Variants in GRIA4 observed in about 807,000 individuals in gnomAD.
The protein encoded by GRIA4 is glutamate receptor 4.
A neutral mutation model predicts 104.0 loss-of-function variants in GRIA4; 34 were observed. The ratio of observed to expected loss-of-function variants is 0.33; its 90% CI spans 0.25 to 0.44. GRIA4 has a LOEUF of 0.44. Among genes scored for constraint, GRIA4 ranks in the 20% least tolerant of loss-of-function variants. The pLI, the probability that GRIA4 is intolerant of heterozygous loss-of-function variation, is 1.00. For synonymous variants in GRIA4, 386 were observed against 381.9 expected (o/e 1.01, Z -0.13); for missense variants, 750 against 1,096.5 (o/e 0.68, Z 4.46).
At chr11:105,756,847 A>T (rs1940339036) in intron 4 of GRIA4, among the ~76,000 whole-genome samples, 2 of 152,156 alleles carry the variant, frequency 1.3e-5, no homozygotes, top group Non-Finnish European at 2.9e-5. Flanking sequence ...ATTTATAGCC[A>T]GACTGACAGT....
At chr11:105,821,346 A>G (rs1943568994) in intron 4 of GRIA4, among the ~76,000 whole-genome samples, 4 of 152,116 alleles carry the variant, frequency 2.6e-5, no homozygotes, top group Non-Finnish European at 5.9e-5. Context: ...TCGTTCTTGC[A>G]TTGCTATAAA....
Position 105,898,434 on chromosome 11 carries a change from GTTTATT to G in GRIA4, c.885+13_885+18del, listed in dbSNP as rs1237497976. On this transcript the variant is annotated splice_region_variant and intron_variant, in intron 7 of 16. Transcript: ENST00000282499. ...ATCTGAGACTCCTCCAAAGGTATTT[GTTTATT>G]TTTATCTACTGTATTACTGATAGTT... 6.6e-7 allele frequency: 1 copy of G among 1,517,302 alleles called. No individual in the cohort carries two copies. Among genetic ancestry groups the G allele is most frequent in the Non-Finnish European group, 9.1e-7 (1 of 1,097,866 alleles). 94.0% of individuals were successfully genotyped at this position (1,517,302 alleles called of 1,614,324 possible).
intron 4 of GRIA4, among the ~76,000 whole-genome samples, chr11:105,795,426 G>A (rs59689631): frequency 0.01 from 1,531 of 152,248 alleles, 29 homozygotes; most frequent in African/African-American, 0.035. Flanking sequence ...AAACTTGTAG[G>A]AGAGTATGAA....
chr11:105,797,462 T>C (rs576295591), intron 4 of GRIA4, among the ~76,000 whole-genome samples: 11 of 152,234 alleles, frequency 7.2e-5, no homozygotes, highest in African/African-American at 2.6e-4. Context: ...CATTCGGGCC[T>C]AAGGTTACAC....
chr11:105,802,747 G>A (rs1209071961), intron 4 of GRIA4, among the ~76,000 whole-genome samples: 5 of 149,448 alleles, frequency 3.3e-5, no homozygotes, highest in Non-Finnish European at 5.9e-5. Flanking sequence ...TATCCTACAA[G>A]GTAGTTAATT....
intron 3 of GRIA4, among the ~76,000 whole-genome samples, chr11:105,670,981 A>G (rs746958958): frequency 1.3e-5 from 2 of 152,000 alleles, no homozygotes; most frequent in Non-Finnish European, 2.9e-5. Flanking sequence ...CTTGTGGCCC[A>G]CTTCCTCCAT....
At chr11:105,738,652 C>T (rs1939109099) in intron 3 of GRIA4, among the ~76,000 whole-genome samples, 1 of 152,076 alleles carries the variant, frequency 6.6e-6, no homozygotes, top group African/African-American at 2.4e-5. Context: ...AAATGATTTT[C>T]AGGAAGACAG....
rs1945284844 is a variant in GRIA4, at chr11:105,863,069, A to G, written c.672+861A>G. On this transcript the variant is annotated intron_variant, in intron 5 of 16. Coordinates refer to ENST00000282499, the MANE Select transcript of GRIA4 (RefSeq NM_000829.4). ...TTTTTTGTTGGTTAGTTTTTTACAT[A>G]TAGCTTAACTGCATAATTATATGAC... Among the ~76,000 whole-genome samples, 3 of 152,184 alleles carry G rather than the reference A, an allele frequency of 2.0e-5. No homozygotes were observed. In the South Asian group the frequency reaches 6.2e-4, roughly 32 times the overall value.
chr11:105,635,531 C>T (rs1951180683), intron 3 of GRIA4, among the ~76,000 whole-genome samples: 1 of 152,156 alleles, frequency 6.6e-6, no homozygotes. Context: ...AAGGGAAATA[C>T]TCCGAAGGAC....
intron 10 of GRIA4, among the ~76,000 whole-genome samples, chr11:105,916,362 T>G (rs1565340348): frequency 6.6e-6 from 1 of 152,140 alleles, no homozygotes; most frequent in East Asian, 1.9e-4. Context: ...TGAAAAGACA[T>G]GAAGAACTTT....
intron 3 of GRIA4, among the ~76,000 whole-genome samples, chr11:105,730,863 A>G (rs533671760): frequency 1.0e-3 from 152 of 152,304 alleles, no homozygotes; most frequent in African/African-American, 3.4e-3. Context: ...CTTAAACTTT[A>G]TACAAGGATT....
intron 14 of GRIA4, among the ~76,000 whole-genome samples, chr11:105,948,589 C>CTTTTTT (rs1383366276): frequency 4.5e-5 from 5 of 111,200 alleles, no homozygotes; most frequent in Admixed American, 1.0e-4. Flanking sequence ...CTTTTCTTTT[C>CTTTTTT]TTTTTGTTTT....
chr11:105,790,790 T>C (rs1487366278), intron 4 of GRIA4, among the ~76,000 whole-genome samples: 1 of 152,190 alleles, frequency 6.6e-6, no homozygotes, highest in African/African-American at 2.4e-5. Context: ...CCAGAAAAGA[T>C]GAAGAGAAGA....
At chr11:105,665,143 T>G (rs1822988) in intron 3 of GRIA4, among the ~76,000 whole-genome samples, 147,779 of 151,990 alleles carry the variant, frequency 0.97, 71,948 homozygotes, top group Non-Finnish European at 1. Context: ...ATGAAGAGTT[T>G]TTTTGAAATT....
At chr11:105,909,057 G>C (rs1257461387) in intron 9 of GRIA4, among the ~76,000 whole-genome samples, 3 of 152,010 alleles carry the variant, frequency 2.0e-5, no homozygotes, top group Non-Finnish European at 4.4e-5. Flanking sequence ...GATTCACAGG[G>C]ACTATTGAAA....
At chr11:105,920,550 C>T (rs372584540) in intron 11 of GRIA4, among the ~76,000 whole-genome samples, 2 of 152,120 alleles carry the variant, frequency 1.3e-5, no homozygotes, top group Non-Finnish European at 2.9e-5. Context: ...ACCCACTGGG[C>T]AGCCCAGACT....
At chr11:105,907,905 C>A (rs538046235) in intron 9 of GRIA4, among the ~76,000 whole-genome samples, 5 of 152,202 alleles carry the variant, frequency 3.3e-5, no homozygotes, top group African/African-American at 1.2e-4. Flanking sequence ...ACCAAAATTC[C>A]TGCAGCTCAA....
At chr11:105,626,426 A>G (rs1950888912) in intron 3 of GRIA4, among the ~76,000 whole-genome samples, 1 of 152,158 alleles carries the variant, frequency 6.6e-6, no homozygotes, top group African/African-American at 2.4e-5. Context: ...GAGATACACA[A>G]TTTTACATAA....
intron 14 of GRIA4, among the ~76,000 whole-genome samples, chr11:105,937,130 G>A (rs1294933978): frequency 1.3e-5 from 2 of 151,952 alleles, no homozygotes; most frequent in African/African-American, 4.8e-5. Flanking sequence ...CGAAACAATT[G>A]TGAAAACCTT....
Sources: gnomAD v4.1 joint callset for allele counts (sites outside exome capture counted in the v4.1 genomes callset) on GRCh38, gnomAD v4.1.1 for gene constraint, MANE v1.5 for transcripts, NCBI Gene and HGNC (gene_info 2026-07-23, HGNC 2026-07-21) for gene names.